GAB1: variants seen among roughly 807,000 people sequenced by gnomAD.
The protein encoded by GAB1 is GRB2 associated binding protein 1.
In GAB1, 19 loss-of-function variants were observed where a neutral mutation model predicts 66.5. The observed-to-expected ratio is 0.29, with a 90% CI of 0.20 to 0.42. The LOEUF (loss-of-function observed/expected upper bound fraction) is 0.42, where lower values mean the gene tolerates loss of function less well. Among genes scored for constraint, GAB1 ranks in the 10% least tolerant of loss-of-function variants. The pLI is 1.00. For synonymous variants in GAB1, 294 were observed against 301.4 expected (o/e 0.98, Z 0.25); for missense variants, 732 against 858.5 (o/e 0.85, Z 1.84).
chr4:143,370,160 T>C (rs1730055075), intron 1 of GAB1, among the ~76,000 whole-genome samples: 1 of 152,148 alleles, frequency 6.6e-6, no homozygotes, highest in African/African-American at 2.4e-5. Context: ...AGTAAGAATA[T>C]ACAAGGGCAA....
intron 8 of GAB1, among the ~76,000 whole-genome samples, chr4:143,461,045 A>G (rs947306895): frequency 6.6e-6 from 1 of 152,216 alleles, no homozygotes; most frequent in East Asian, 1.9e-4. Context: ...GAGGTTGGCT[A>G]TACTACCATA....
intron 2 of GAB1, chr4:143,425,742 C>G: frequency 1.3e-6 from 1 of 760,902 alleles, no homozygotes; most frequent in South Asian, 1.4e-5. Flanking sequence ...ATGGACTGCT[C>G]CAGCTCCTGA....
At chr4:143,466,289 T>G in intron 9 of GAB1, 64 bp downstream of exon 9, 32 of 1,494,262 alleles carry the variant, frequency 2.1e-5, no homozygotes, top group Non-Finnish European at 2.9e-5. Context: ...ACCTGAAGAA[T>G]TATTTCCTTT....
chr4:143,424,962 GA>G (rs35264549), intron 2 of GAB1: 56 of 586,346 alleles, frequency 9.6e-5, no homozygotes, highest in East Asian at 1.7e-4. Flanking sequence ...TTTAAAAAAA[GA>G]AAAAAAAAGG....
intron 1 of GAB1, chr4:143,395,802 C>T (rs538689719): frequency 9.0e-5 from 40 of 442,466 alleles, no homozygotes; most frequent in South Asian, 4.5e-4. Flanking sequence ...TATCCCTCCA[C>T]ATACCCTTTC....
intron 6 of GAB1, among the ~76,000 whole-genome samples, chr4:143,446,483 A>G (rs1236669945): frequency 6.6e-6 from 1 of 150,670 alleles, no homozygotes; most frequent in Non-Finnish European, 1.5e-5. Flanking sequence ...AATGATTGCC[A>G]TTCTAACTGG....
rs61269866 is a variant in GAB1 at position 143,376,118 on chromosome 4, C to G, written c.72+38858C>G. 5.4e-3 allele frequency among the ~76,000 whole-genome samples: 822 copies of G among 151,876 alleles called. 14 individuals carry two copies. The highest frequency in any genetic ancestry group is 0.019 in the African/African-American group (785 of 41,182). ...CAGCGCCAGCACCCCTCCCCAACCC[C>G]CTACACCACCTCCACCTTTATACTT... On this transcript the variant is annotated intron_variant, in intron 1 of 9. Transcript: ENST00000262994.
intron 1 of GAB1, among the ~76,000 whole-genome samples, chr4:143,351,812 A>G (rs966734161): frequency 6.6e-6 from 1 of 152,204 alleles, no homozygotes; most frequent in Non-Finnish European, 1.5e-5. Flanking sequence ...TAAACACTCT[A>G]TTGCACAGAT....
chr4:143,457,724 C>G (rs1360288278), intron 6 of GAB1: 8 of 1,576,052 alleles, frequency 5.1e-6, no homozygotes, highest in Admixed American at 4.1e-5. Context: ...TGGTTTAGAG[C>G]GAACTGATTC....
chr4:143,337,476 A>G (rs2149637899), intron 1 of GAB1, among the ~76,000 whole-genome samples: 1 of 152,254 alleles, frequency 6.6e-6, no homozygotes, highest in South Asian at 2.1e-4. Flanking sequence ...TTCTTCCTCC[A>G]GGTTCCAGAC....
intron 2 of GAB1, among the ~76,000 whole-genome samples, chr4:143,421,815 G>A (rs1733046666): frequency 6.7e-6 from 1 of 149,680 alleles, no homozygotes; most frequent in Non-Finnish European, 1.5e-5. Context: ...GTGATTCTTA[G>A]GCCTTCAAAC....
In GAB1 at chr4:143,409,396, C is replaced by A. The variant is rs77959589; in HGVS notation, c.73-6081C>A. On this transcript the variant is annotated intron_variant, in intron 1 of 9. Coordinates refer to ENST00000262994, the MANE Select transcript of GAB1 (RefSeq NM_002039.4). ...AACAACTTTGAACTTTCCCCCCCCC[C>A]GCTCTGAAATCTTTTCATTTAGTCT... Among the ~76,000 whole-genome samples, 8 of 149,760 alleles carry A rather than the reference C, an allele frequency of 5.3e-5. 1 individual carries two copies. Among genetic ancestry groups the A allele is most frequent in the Admixed American group, 3.3e-4 (5 of 15,032 alleles).
At chr4:143,378,488 T>G (rs1387992874) in intron 1 of GAB1, among the ~76,000 whole-genome samples, 1 of 152,160 alleles carries the variant, frequency 6.6e-6, no homozygotes, top group Non-Finnish European at 1.5e-5. Flanking sequence ...ACTCATATAT[T>G]AGTAACAAAA....
At chr4:143,452,120 T>C (rs1292617465) in intron 6 of GAB1, among the ~76,000 whole-genome samples, 1 of 152,168 alleles carries the variant, frequency 6.6e-6, no homozygotes, top group Non-Finnish European at 1.5e-5. Context: ...TTCTTTCTTT[T>C]TCTTTTAGAG....
intron 1 of GAB1, among the ~76,000 whole-genome samples, chr4:143,404,355 G>A (rs1195528352): frequency 1.3e-5 from 2 of 152,146 alleles, no homozygotes; most frequent in Non-Finnish European, 2.9e-5. Flanking sequence ...CATTTTTAGG[G>A]TAGAGTAAGT....
At chr4:143,339,673 G>A (rs1346193399) in intron 1 of GAB1, among the ~76,000 whole-genome samples, 1 of 152,148 alleles carries the variant, frequency 6.6e-6, no homozygotes, top group Non-Finnish European at 1.5e-5. Context: ...TGAGTCTTTG[G>A]GACCACGAGA....
intron 1 of GAB1, among the ~76,000 whole-genome samples, chr4:143,351,573 G>GCTGGAGTGCCTAT (rs1283787697): frequency 1.3e-5 from 2 of 152,182 alleles, no homozygotes; most frequent in African/African-American, 4.8e-5. Context: ...CGGCGGCAAG[G>GCTGGAGTGCCTAT]CTGGAGTGCC....
At chr4:143,404,749 C>CAAAACTG (rs897103635) in intron 1 of GAB1, among the ~76,000 whole-genome samples, 1 of 152,100 alleles carries the variant, frequency 6.6e-6, no homozygotes, top group Non-Finnish European at 1.5e-5. Context: ...GACACTGTTG[C>CAAAACTG]AAAACTGAAA....
intron 1 of GAB1, among the ~76,000 whole-genome samples, chr4:143,353,195 T>C (rs300914): frequency 0.66 from 101,044 of 152,034 alleles, 33,920 homozygotes; most frequent in African/African-American, 0.75. Flanking sequence ...ATTAAAGTAT[T>C]GTCTAGATTT....
Sources: allele counts gnomAD v4.1 joint callset (sites outside exome capture counted in the v4.1 genomes callset), GRCh38; gene constraint gnomAD v4.1.1; transcripts MANE v1.5; gene names NCBI Gene and HGNC (gene_info 2026-07-23, HGNC 2026-07-21).